CDADC1: variants seen among roughly 807,000 people sequenced by gnomAD.
CDADC1 encodes dCTP deaminase.
Under a neutral mutation model 54.9 loss-of-function variants are expected in CDADC1, and 39 were observed. The ratio of observed to expected loss-of-function variants is 0.71; its 90% CI spans 0.55 to 0.93. The LOEUF is 0.93. Ranked by LOEUF, CDADC1 falls within the 40% of genes least tolerant of loss-of-function variation. The pLI is 0.00. For synonymous variants in CDADC1, 186 were observed against 204.0 expected (o/e 0.91, Z 0.75); for missense variants, 518 against 618.8 (o/e 0.84, Z 1.73).
chr13:49,264,456 C>T (rs1048961389), intron 4 of CDADC1, among the ~76,000 whole-genome samples: 69 of 151,666 alleles, frequency 4.5e-4, no homozygotes, highest in African/African-American at 1.5e-3. Flanking sequence ...GCGCAGTGGC[C>T]CACACCTGCA....
intron 2 of CDADC1, among the ~76,000 whole-genome samples, chr13:49,250,632 C>T (rs1952406331): frequency 1.3e-5 from 2 of 152,160 alleles, no homozygotes; most frequent in Non-Finnish European, 2.9e-5. Context: ...TGGAAAGGAG[C>T]TTGACAATGT....
intron 5 of CDADC1, among the ~76,000 whole-genome samples, chr13:49,273,720 C>T (rs1953028452): frequency 8.0e-6 from 1 of 124,414 alleles, no homozygotes; most frequent in African/African-American, 3.1e-5. Context: ...TCAGAATTCT[C>T]TTCATGTACT....
At chr13:49,257,122 G>T (rs1415978624) in intron 3 of CDADC1, among the ~76,000 whole-genome samples, 1 of 152,128 alleles carries the variant, frequency 6.6e-6, no homozygotes, top group Non-Finnish European at 1.5e-5. Context: ...TTGTTTTATT[G>T]AGTTTGGGAT....
chr13:49,253,815 A>C (rs1309479024), intron 2 of CDADC1, among the ~76,000 whole-genome samples: 2 of 152,002 alleles, frequency 1.3e-5, no homozygotes, highest in East Asian at 3.9e-4. Flanking sequence ...CCGAAGTGGT[A>C]GGATTACAGG....
chr13:49,247,959 C>G lies in CDADC1; in HGVS notation c.-79C>G. On this transcript the variant is annotated 5_prime_UTR_variant, in exon 1 of 10. Transcript: ENST00000251108. ...TTGCCTTACAGTTGCTGAGAGGAGG[C>G]GAGAGGCGGGGGCGCTAGGGCCGAG... The G allele has an allele frequency of 7.6e-7, 1 of 1,314,082 alleles. No homozygotes were observed. The highest frequency in any genetic ancestry group is 1.3e-5 in the South Asian group (1 of 79,140). 81.4% of individuals were successfully genotyped at this position (1,314,082 alleles called of 1,614,324 possible). A position where few individuals can be genotyped will look rare whatever the true frequency, so the allele number is the denominator to read the frequency against.
chr13:49,267,723 G>C lies in CDADC1; in HGVS notation c.664G>C (p.Asp222His), dbSNP rs1359525873. ...FIQKITKTLP[D>H]ANTDFYYECK... is the part of the protein sequence containing the mutation. ...TCAAAAAATTACAAAAACATTGCCG[G>C]ATGCTAACACTGACTTTTATTATGA... The change falls in exon 5 of 10, where the codon GAT becomes CAT. Residue 222 changes from aspartate to histidine, a missense_variant. Transcript: ENST00000251108. 6.2e-7 allele frequency: 1 copy of C among 1,612,006 alleles called. No individual in the cohort carries two copies. The highest frequency in any genetic ancestry group is 1.7e-5 in the Admixed American group (1 of 59,720).
At chr13:49,254,236 G>T (rs903140710) in intron 2 of CDADC1, among the ~76,000 whole-genome samples, 1 of 151,956 alleles carries the variant, frequency 6.6e-6, no homozygotes. Context: ...TTCCTGTTCT[G>T]TCTGAACAGA....
chr13:49,280,455 A>G, intron 7 of CDADC1, 54 bp from the exon 8 acceptor site: 1 of 924,586 alleles, frequency 1.1e-6, no homozygotes, highest in Non-Finnish European at 1.5e-6. Flanking sequence ...TTTCTAAAAA[A>G]TAACTTACCC....
intron 5 of CDADC1, among the ~76,000 whole-genome samples, chr13:49,270,847 C>T (rs1952947971): frequency 6.6e-6 from 1 of 152,160 alleles, no homozygotes; most frequent in South Asian, 2.1e-4. Context: ...ATATATGTAT[C>T]TCATTTAACA....
Position 49,267,872 on chromosome 13 carries a change from T to C in CDADC1, c.813T>C (p.Asn271=). The change falls in exon 5 of 10, where the codon AAT becomes AAC. Residue 271 remains asparagine (N), a synonymous_variant. Coordinates refer to ENST00000251108, the MANE Select transcript of CDADC1 (RefSeq NM_030911.4). ...TGTGTGAAAATCCATACTTTAGCAA[T>C]CTAAGGCAAAACATGAAAGACCTTA... ...ENLCENPYFS[N]LRQNMKDLIL... 1.2e-6 allele frequency: 2 copies of C among 1,614,156 alleles called. No individual in the cohort carries two copies. The highest frequency in any genetic ancestry group is 1.7e-6 in the Non-Finnish European group (2 of 1,180,018).
intron 7 of CDADC1, among the ~76,000 whole-genome samples, chr13:49,279,953 T>C (rs1953268508): frequency 6.6e-6 from 1 of 152,196 alleles, no homozygotes; most frequent in African/African-American, 2.4e-5. Flanking sequence ...ACTTTTCTTT[T>C]TAAAATTATC....
chr13:49,285,816 A>T (rs1280270916), intron 8 of CDADC1, among the ~76,000 whole-genome samples: 4 of 144,558 alleles, frequency 2.8e-5, no homozygotes, highest in African/African-American at 1.0e-4. Flanking sequence ...TATTTTTTTA[A>T]TTTTTTTTTT....
chr13:49,259,620 G>A, intron 4 of CDADC1, 97 bp downstream of exon 4: 1 of 1,205,306 alleles, frequency 8.3e-7, no homozygotes, highest in East Asian at 2.3e-5. Context: ...GGAGGACAAG[G>A]CAGGAGGATC....
At chr13:49,282,754 C>T (rs1182103807) in intron 8 of CDADC1, among the ~76,000 whole-genome samples, 2 of 152,216 alleles carry the variant, frequency 1.3e-5, no homozygotes, top group African/African-American at 2.4e-5. Context: ...GCTCTGCCTC[C>T]GGCCAGATCA....
chr13:49,290,198 A>T (rs537234114), intron 9 of CDADC1, among the ~76,000 whole-genome samples: 4 of 151,990 alleles, frequency 2.6e-5, no homozygotes, highest in African/African-American at 7.2e-5. Context: ...CGAGAGAGGG[A>T]GCGCACGGGA....
chr13:49,265,080 A>G (rs931317352), intron 4 of CDADC1, among the ~76,000 whole-genome samples: 4 of 152,218 alleles, frequency 2.6e-5, no homozygotes, highest in Middle Eastern at 6.3e-3. Flanking sequence ...TACTATTGCA[A>G]TAGCTGCAAT....
chr13:49,264,088 A>G (rs1399690753), intron 4 of CDADC1, among the ~76,000 whole-genome samples: 1 of 152,256 alleles, frequency 6.6e-6, no homozygotes, highest in African/African-American at 2.4e-5. Context: ...TAGATCAGGC[A>G]TTATAAAACC....
chr13:49,248,727 C>T, intron 1 of CDADC1, 144 bp from the exon 2 acceptor site: 1 of 659,862 alleles, frequency 1.5e-6, no homozygotes, highest in East Asian at 2.5e-5. Flanking sequence ...GCTAAGATAC[C>T]TCTGACTCTC....
At chr13:49,260,984 A>AT (rs1952670271) in intron 4 of CDADC1, among the ~76,000 whole-genome samples, 5 of 152,192 alleles carry the variant, frequency 3.3e-5, no homozygotes, top group Admixed American at 3.3e-4. Flanking sequence ...GGAACAGTGT[A>AT]TATGGAGTCA....
Sources: allele counts gnomAD v4.1 joint callset (sites outside exome capture counted in the v4.1 genomes callset), GRCh38; gene constraint gnomAD v4.1.1; transcripts MANE v1.5; gene names NCBI Gene and HGNC (gene_info 2026-07-23, HGNC 2026-07-21).